NALF1: variants seen among roughly 807,000 people sequenced by gnomAD.
The protein encoded by NALF1 is NALCN channel auxiliary factor 1, also known as family with sequence similarity 155 member A.
NALF1 carries 3 observed loss-of-function variants against 48.4 expected under a neutral mutation model. The observed-to-expected ratio is 0.06, with a 90% CI of 0.03 to 0.16. The LOEUF is 0.16. Ranked by LOEUF, NALF1 falls within the 10% of genes least tolerant of loss-of-function variation. The pLI is 1.00. For synonymous variants in NALF1, 262 were observed against 245.7 expected, an observed-to-expected ratio of 1.07 and a Z score of -0.62; for missense variants, 526 against 571.5, an observed-to-expected ratio of 0.92 and a Z score of 0.81.
chr13:107,604,111 CAA>C (rs1397708021), intron 1 of NALF1, among the ~76,000 whole-genome samples: 1 of 152,140 alleles, frequency 6.6e-6, no homozygotes, highest in African/African-American at 2.4e-5. Flanking sequence ...TTCGAGCACA[CAA>C]AAGTTAAAAT....
At chr13:107,645,707 C>G (rs921632709) in intron 1 of NALF1, among the ~76,000 whole-genome samples, 1 of 142,660 alleles carries the variant, frequency 7.0e-6, no homozygotes, top group African/African-American at 2.6e-5. Context: ...AAAAAAAAAT[C>G]CCTGTTTTAC....
At chr13:107,280,914 T>C (rs958473090) in intron 1 of NALF1, among the ~76,000 whole-genome samples, 1 of 152,226 alleles carries the variant, frequency 6.6e-6, no homozygotes, top group Non-Finnish European at 1.5e-5. Context: ...AAAGAGAAAG[T>C]TGTATCCCTT....
At chr13:107,294,229 A>G (rs1483401798) in intron 1 of NALF1, among the ~76,000 whole-genome samples, 1 of 152,184 alleles carries the variant, frequency 6.6e-6, no homozygotes, top group Non-Finnish European at 1.5e-5. Flanking sequence ...CAGATATCTA[A>G]AATGAGTTGA....
At chr13:107,825,272 G>A (rs776059743) in intron 1 of NALF1, among the ~76,000 whole-genome samples, 11 of 152,116 alleles carry the variant, frequency 7.2e-5, no homozygotes, top group East Asian at 1.9e-4. Context: ...TTGGATGTCC[G>A]AGTAAAGGGT....
chr13:107,703,161 C>A (rs762860524), intron 1 of NALF1, among the ~76,000 whole-genome samples: 1 of 152,172 alleles, frequency 6.6e-6, no homozygotes, highest in Non-Finnish European at 1.5e-5. Context: ...TGTCACTCTT[C>A]TTATTCACCT....
chr13:107,326,280 A>G (rs539994241), intron 1 of NALF1, among the ~76,000 whole-genome samples: 18 of 152,138 alleles, frequency 1.2e-4, no homozygotes, highest in Middle Eastern at 6.8e-3. Context: ...ACTTCCTTCC[A>G]TTCTCCTTCT....
chr13:107,203,994 C>G (rs980874942), intron 2 of NALF1, among the ~76,000 whole-genome samples: 1 of 136,660 alleles, frequency 7.3e-6, no homozygotes, highest in Non-Finnish European at 1.7e-5. Context: ...CCCAGGTGAG[C>G]TGGAGGCAGA....
At chr13:107,388,033 T>C (rs1883560323) in intron 1 of NALF1, among the ~76,000 whole-genome samples, 1 of 152,196 alleles carries the variant, frequency 6.6e-6, no homozygotes, top group Non-Finnish European at 1.5e-5. Flanking sequence ...GTTTGTAGAA[T>C]GTCAGTAGCA....
At chr13:107,303,616 A>T (rs1021121773) in intron 1 of NALF1, among the ~76,000 whole-genome samples, 4 of 152,198 alleles carry the variant, frequency 2.6e-5, no homozygotes, top group Non-Finnish European at 4.4e-5. Context: ...TTTCATTATT[A>T]CAAACTCCAA....
chr13:107,865,754 C>T lies in NALF1; in HGVS notation c.843G>A (p.Glu281=). 6.2e-7 allele frequency: 1 copy of T among 1,614,134 alleles called. No individual in the cohort carries two copies. Residue 281 remains glutamate, a synonymous_variant, in exon 1 of 3, where the codon GAG becomes GAA. Transcript: ENST00000375915. The part of the protein sequence containing the change: ...YDHHAQEKYE[E]FESVLHKYLQ... ...AATATTTGTGGAGCACGCTTTCAAA[C>T]TCTTCGTATTTCTCCTGAGCATGGT...
At chr13:107,325,701 C>T (rs1440723299) in intron 1 of NALF1, among the ~76,000 whole-genome samples, 1 of 151,030 alleles carries the variant, frequency 6.6e-6, no homozygotes, top group Non-Finnish European at 1.5e-5. Flanking sequence ...ATGAGCTCAG[C>T]ATGATGGCAT....
chr13:107,397,731 G>A (rs1469742095), intron 1 of NALF1, among the ~76,000 whole-genome samples: 1 of 151,792 alleles, frequency 6.6e-6, no homozygotes, highest in Non-Finnish European at 1.5e-5. Context: ...AGTTTCCAAC[G>A]TTATGCCCTA....
rs980929320 is a variant in NALF1, at chr13:107,387,149, A to G, written c.916-176394T>C. 2.6e-5 allele frequency among the ~76,000 whole-genome samples: 4 copies of G among 152,224 alleles called. No individual in the cohort carries two copies. In the East Asian group the frequency reaches 7.7e-4, roughly 29 times the overall value. On this transcript the variant is annotated intron_variant, in intron 1 of 2. Coordinates refer to ENST00000375915, the MANE Select transcript of NALF1 (RefSeq NM_001080396.3). ...ATGCCCAATAAAAGGCATTTCAGCC[A>G]TTTTAAATGTCTTAGAAATTTCGAC...
At chr13:107,810,578 T>C (rs1253158393) in intron 1 of NALF1, among the ~76,000 whole-genome samples, 4 of 152,152 alleles carry the variant, frequency 2.6e-5, no homozygotes, top group Non-Finnish European at 4.4e-5. Context: ...GAAAACATCT[T>C]AAACTGGGTA....
chr13:107,663,452 C>T (rs1160015635), intron 1 of NALF1, among the ~76,000 whole-genome samples: 5 of 152,100 alleles, frequency 3.3e-5, no homozygotes, highest in Non-Finnish European at 5.9e-5. Flanking sequence ...TTTGAGTCTT[C>T]GGTTAAAGGT....
At chr13:107,819,793 CTT>C (rs1879310415) in intron 1 of NALF1, among the ~76,000 whole-genome samples, 1 of 150,990 alleles carries the variant, frequency 6.6e-6, no homozygotes, top group South Asian at 2.1e-4. Context: ...ACACACACTT[CTT>C]TCTCTTCCTT....
At chr13:107,513,038 C>T (rs752431795) in intron 1 of NALF1, among the ~76,000 whole-genome samples, 1 of 152,166 alleles carries the variant, frequency 6.6e-6, no homozygotes, top group Non-Finnish European at 1.5e-5. Context: ...CACTTGAATT[C>T]ACTTCAAGCC....
At chr13:107,261,221 C>A (rs1311462414) in intron 1 of NALF1, among the ~76,000 whole-genome samples, 1 of 152,282 alleles carries the variant, frequency 6.6e-6, no homozygotes, top group East Asian at 1.9e-4. Flanking sequence ...CAGGTGACAT[C>A]AGGGTGGAAT....
intron 1 of NALF1, among the ~76,000 whole-genome samples, chr13:107,506,703 G>A (rs535229499): frequency 6.6e-6 from 1 of 151,908 alleles, no homozygotes; most frequent in East Asian, 1.9e-4. Context: ...TACTGTACCA[G>A]GTATCAGAAT....
Sources: gnomAD v4.1 joint callset for allele counts (sites outside exome capture counted in the v4.1 genomes callset) on GRCh38, gnomAD v4.1.1 for gene constraint, MANE v1.5 for transcripts, NCBI Gene and HGNC (gene_info 2026-07-23, HGNC 2026-07-21) for gene names.